The following UTRN variants were observed in gnomAD, a reference collection of about 807,000 sequenced individuals.
UTRN encodes utrophin.
Under a neutral mutation model 463.9 loss-of-function variants are expected in UTRN, and 283 were observed. That is an observed-to-expected ratio of 0.61 (90% CI 0.55 to 0.67). The LOEUF (loss-of-function observed/expected upper bound fraction) is 0.67, where lower values mean the gene tolerates loss of function less well. Among genes scored for constraint, UTRN ranks in the 30% least tolerant of loss-of-function variants. The pLI is 0.00. For synonymous variants in UTRN, 1,442 were observed against 1,431.5 expected, an observed-to-expected ratio of 1.01 and a Z score of -0.17; for missense variants, 3,922 against 4,084.3, an observed-to-expected ratio of 0.96 and a Z score of 1.08.
Position 144,577,085 on chromosome 6 carries a change from A to G in UTRN, c.7290-14A>G, listed in dbSNP as rs753717549. On this transcript the variant is annotated splice_polypyrimidine_tract_variant and intron_variant, in intron 50 of 74. Coordinates refer to ENST00000367545, the MANE Select transcript of UTRN (RefSeq NM_007124.3). ...GTAAGTAATGGAGCCGTGCTGTCAT[A>G]TTGTTACTTTCAGTATTGCTGACAG... 2.5e-6 allele frequency: 4 copies of G among 1,611,404 alleles called. No homozygotes were observed. Among genetic ancestry groups the G allele is most frequent in the Admixed American group, 3.3e-5 (2 of 59,966 alleles).
At chr6:144,707,013 A>G (rs1785165653) in intron 53 of UTRN, 1 of 152,230 alleles carries the variant, frequency 6.6e-6, no homozygotes, top group East Asian at 1.9e-4. Context: ...CACATAGAGC[A>G]CAGCAATCCT....
intron 50 of UTRN, 30 bp downstream of exon 50, chr6:144,557,341 A>G: frequency 1.3e-6 from 2 of 1,588,530 alleles, no homozygotes; most frequent in Non-Finnish European, 1.7e-6. Context: ...AGGTAAATGT[A>G]TATTGTCAAG....
chr6:144,447,259 G>C lies in UTRN; in HGVS notation c.1663G>C (p.Val555Leu). The change falls in exon 15 of 75, where the codon GTC becomes CTC. Residue 555 changes from valine to leucine, a missense_variant. Around this residue, in one of 3 missense-constraint regions of UTRN, gnomAD observed 2,349 missense variants for 2,303.8 expected, o/e 1.02. Coordinates refer to ENST00000367545, the MANE Select transcript of UTRN (RefSeq NM_007124.3). ...LTEKEEALNKVQTSNFKDQKE... is the reference protein window; with the variant it reads ...LTEKEEALNKLQTSNFKDQKE... ...CGAAAAAGAAGAGGCTTTAAATAAA[G>C]TCCAGACAAGCAACTTCAAAGACCA... is the stretch of plus-strand genomic sequence containing the variant. 6.2e-7 allele frequency: 1 copy of C among 1,613,966 alleles called. No individual in the cohort carries two copies. Among genetic ancestry groups the C allele is most frequent in the South Asian group, 1.1e-5 (1 of 91,066 alleles).
At chr6:144,467,284 T>C (rs1790052557) in intron 23 of UTRN, among the ~76,000 whole-genome samples, 1 of 152,240 alleles carries the variant, frequency 6.6e-6, no homozygotes, top group Non-Finnish European at 1.5e-5. Flanking sequence ...CACCCATAGC[T>C]AGATAATCGT....
At chr6:144,631,831 A>G (rs952699930) in intron 51 of UTRN, among the ~76,000 whole-genome samples, 1 of 152,184 alleles carries the variant, frequency 6.6e-6, no homozygotes, top group African/African-American at 2.4e-5. Context: ...TCACTGAGGC[A>G]TACTAATGCT....
intron 58 of UTRN, among the ~76,000 whole-genome samples, chr6:144,766,852 C>A (rs893592731): frequency 6.6e-6 from 1 of 151,882 alleles, no homozygotes; most frequent in African/African-American, 2.4e-5. Flanking sequence ...AAAGGATAGT[C>A]TTCTTGAGAG....
intron 2 of UTRN, among the ~76,000 whole-genome samples, chr6:144,338,369 G>A (rs538167660): frequency 3.4e-4 from 51 of 152,032 alleles, no homozygotes; most frequent in African/African-American, 1.2e-3. Context: ...TTTGATTATT[G>A]GATAAGTTGT....
chr6:144,396,090 T>C (rs1782378923), intron 2 of UTRN, among the ~76,000 whole-genome samples: 1 of 152,182 alleles, frequency 6.6e-6, no homozygotes, highest in South Asian at 2.1e-4. Flanking sequence ...GTGTTCATTG[T>C]GACATTGTTC....
intron 51 of UTRN, among the ~76,000 whole-genome samples, chr6:144,632,901 A>G (rs992404400): frequency 1.3e-5 from 2 of 151,522 alleles, no homozygotes; most frequent in African/African-American, 2.4e-5. Flanking sequence ...TTGTATTTTT[A>G]GTAGAGACAG....
At chr6:144,528,164 G>A (rs945430986) in intron 41 of UTRN, among the ~76,000 whole-genome samples, 4 of 151,134 alleles carry the variant, frequency 2.6e-5, no homozygotes, top group Admixed American at 1.3e-4. Context: ...AGCCTCCTGA[G>A]TAGCTGGGAT....
intron 33 of UTRN, among the ~76,000 whole-genome samples, chr6:144,496,057 T>C (rs778120789): frequency 6.6e-6 from 1 of 152,142 alleles, no homozygotes; most frequent in Non-Finnish European, 1.5e-5. Flanking sequence ...TATCTCTAAT[T>C]TGGGCATTTT....
At chr6:144,754,208 T>G (rs1427964015) in intron 56 of UTRN, among the ~76,000 whole-genome samples, 1 of 152,080 alleles carries the variant, frequency 6.6e-6, no homozygotes, top group Non-Finnish European at 1.5e-5. Context: ...ACCATCTTCC[T>G]TACAAAAGAG....
At chr6:144,568,239 A>G (rs1800600791) in intron 50 of UTRN, among the ~76,000 whole-genome samples, 1 of 134,652 alleles carries the variant, frequency 7.4e-6, no homozygotes, top group South Asian at 2.4e-4. Flanking sequence ...CTTCTGTTTG[A>G]AGTAAAAAAA....
At chr6:144,350,566 T>C (rs1778027521) in intron 2 of UTRN, among the ~76,000 whole-genome samples, 1 of 152,246 alleles carries the variant, frequency 6.6e-6, no homozygotes, top group African/African-American at 2.4e-5. Context: ...CTACAACAGA[T>C]GACATGTAGA....
In UTRN at chr6:144,493,308, A is replaced by G. The variant is rs774394926; in HGVS notation, c.4445A>G (p.Tyr1482Cys). The G allele has an allele frequency of 1.2e-5, 19 of 1,613,988 alleles. No homozygotes were observed. Among genetic ancestry groups the G allele is most frequent in the Middle Eastern group, 1.6e-4 (1 of 6,082 alleles). ...TCTTTGTTTGTTTTAAAGAAACTGT[A>G]TAAAACTTTGAGTGAAGTCAAACTT... ...QTHLDKCMKLYKTLSEVKLEV... is the reference protein window; with the variant it reads ...QTHLDKCMKLCKTLSEVKLEV... Residue 1482 changes from tyrosine to cysteine, a missense_variant, in exon 33 of 75, where the codon TAT (tyrosine) becomes TGT (cysteine). By Grantham distance (194) the Tyr-to-Cys change is radical. Around this residue, in one of 3 missense-constraint regions of UTRN, gnomAD observed 2,349 missense variants for 2,303.8 expected, o/e 1.02. Coordinates refer to ENST00000367545, the MANE Select transcript of UTRN (RefSeq NM_007124.3).
intron 61 of UTRN, among the ~76,000 whole-genome samples, chr6:144,787,671 A>G (rs1421101341): frequency 6.6e-6 from 1 of 152,192 alleles, no homozygotes; most frequent in African/African-American, 2.4e-5. Context: ...TAGTAAAAAT[A>G]TCAATAAAAT....
At chr6:144,762,105 A>G (rs1792761912) in intron 58 of UTRN, among the ~76,000 whole-genome samples, 1 of 152,152 alleles carries the variant, frequency 6.6e-6, no homozygotes, top group Non-Finnish European at 1.5e-5. Context: ...TACTATAATT[A>G]CCCCCATTTA....
At position 144,458,873 on chromosome 6, in the gene UTRN, A is replaced by G; in HGVS notation, c.2388A>G (p.Leu796=). ...AAGATCTAGAAAGAAAGATTCAGCT[A>G]CAGGAAGATATAAATGCTTATTTCA... ...HLEDLERKIQ[L]QEDINAYFKQ... Residue 796 remains leucine (L), a synonymous_variant, in exon 20 of 75, where the codon CTA becomes CTG. Coordinates refer to ENST00000367545, the MANE Select transcript of UTRN (RefSeq NM_007124.3). The G allele has an allele frequency of 6.2e-7, 1 of 1,613,948 alleles. No homozygotes were observed. Among genetic ancestry groups the G allele is most frequent in the Non-Finnish European group, 8.5e-7 (1 of 1,179,974 alleles).
intron 3 of UTRN, among the ~76,000 whole-genome samples, chr6:144,417,143 G>T (rs929048962): frequency 6.6e-6 from 1 of 152,152 alleles, no homozygotes; most frequent in African/African-American, 2.4e-5. Context: ...TCTGCATTTT[G>T]AATTCATCAA....
Sources: allele counts gnomAD v4.1 joint callset (sites outside exome capture counted in the v4.1 genomes callset), GRCh38; gene constraint gnomAD v4.1.1; regional missense constraint gnomAD v4.1.1; transcripts MANE v1.5; gene names NCBI Gene and HGNC (gene_info 2026-07-23, HGNC 2026-07-21).